The following SLIT3 variants were observed in gnomAD, a reference collection of about 807,000 sequenced individuals.
SLIT3 encodes slit homolog 3 protein.
Under a neutral mutation model 184.0 loss-of-function variants are expected in SLIT3, and 68 were observed. The observed-to-expected ratio is 0.37, with a 90% confidence interval of 0.30 to 0.45. The LOEUF (loss-of-function observed/expected upper bound fraction) is 0.45, where lower values mean the gene tolerates loss of function less well. Ranked by LOEUF, SLIT3 falls within the 20% of genes least tolerant of loss-of-function variation. The pLI is 1.00. For missense variants in SLIT3, 1,707 were observed against 2,026.0 expected, an observed-to-expected ratio of 0.84 and a Z score of 3.02; for synonymous variants, 831 against 828.6, an observed-to-expected ratio of 1.00 and a Z score of -0.05.
chr5:169,203,723 G>A (rs1169985387), intron 3 of SLIT3, among the ~76,000 whole-genome samples: 1 of 152,164 alleles, frequency 6.6e-6, no homozygotes, highest in Non-Finnish European at 1.5e-5. Context: ...TAAATAATTT[G>A]AGGGTAGAGC....
chr5:168,716,070 C>A (rs542487078), intron 23 of SLIT3, among the ~76,000 whole-genome samples: 1 of 152,248 alleles, frequency 6.6e-6, no homozygotes, highest in Non-Finnish European at 1.5e-5. Flanking sequence ...TGGGTTCAAG[C>A]GATTCTCCTG....
chr5:169,219,607 T>C (rs1764557195), intron 3 of SLIT3, among the ~76,000 whole-genome samples: 1 of 152,146 alleles, frequency 6.6e-6, no homozygotes, highest in Non-Finnish European at 1.5e-5. Flanking sequence ...TGGGCCCTGC[T>C]GAGGAATGCA....
intron 4 of SLIT3, among the ~76,000 whole-genome samples, chr5:169,161,808 C>A (rs1762489338): frequency 6.6e-6 from 1 of 152,124 alleles, no homozygotes; most frequent in Non-Finnish European, 1.5e-5. Flanking sequence ...CCTCAGGAGC[C>A]AGGCTGTCTG....
intron 16 of SLIT3, among the ~76,000 whole-genome samples, chr5:168,756,913 C>T (rs947669427): frequency 1.3e-5 from 2 of 152,154 alleles, no homozygotes; most frequent in Non-Finnish European, 2.9e-5. Flanking sequence ...CATCACATTA[C>T]TGTAAGGTTT....
chr5:168,795,736 A>T (rs984234930), intron 9 of SLIT3, among the ~76,000 whole-genome samples, 158 bp from the exon 10 acceptor site: 1 of 152,172 alleles, frequency 6.6e-6, no homozygotes, highest in Non-Finnish European at 1.5e-5. Flanking sequence ...TGCAGCAGTC[A>T]GAGAACTCAG....
At position 169,184,195 on chromosome 5, in the gene SLIT3, C is replaced by T. The variant is rs144131609; in HGVS notation, c.413+9284G>A. Among the ~76,000 whole-genome samples the T allele has an allele frequency of 3.0e-4, 45 of 152,280 alleles. No individual in the cohort carries two copies. In the East Asian group the frequency reaches 6.9e-3, roughly 23 times the overall value. ...GCACGTGCTTATATATACTCATATG[C>T]GCTTATAAGTTCAAAATACTGAACC... On this transcript the variant is annotated intron_variant, in intron 4 of 35. Coordinates refer to ENST00000519560, the MANE Select transcript of SLIT3 (RefSeq NM_003062.4).
At chr5:169,180,312 G>A (rs1763115008) in intron 4 of SLIT3, among the ~76,000 whole-genome samples, 1 of 152,218 alleles carries the variant, frequency 6.6e-6, no homozygotes, top group Non-Finnish European at 1.5e-5. Flanking sequence ...GCATGAGATG[G>A]CACTAGGACA....
At chr5:168,971,680 A>G (rs995332280) in intron 4 of SLIT3, among the ~76,000 whole-genome samples, 1 of 152,256 alleles carries the variant, frequency 6.6e-6, no homozygotes, top group Admixed American at 6.5e-5. Flanking sequence ...AGACAAATGC[A>G]TAAGAAAGAT....
At chr5:168,998,165 C>A (rs957165751) in intron 4 of SLIT3, among the ~76,000 whole-genome samples, 8 of 152,144 alleles carry the variant, frequency 5.3e-5, no homozygotes, top group African/African-American at 1.9e-4. Flanking sequence ...AAAATGCCAC[C>A]AGAAAATGTA....
chr5:168,806,959 G>A (rs1197606766), intron 8 of SLIT3, among the ~76,000 whole-genome samples: 1 of 152,138 alleles, frequency 6.6e-6, no homozygotes, highest in Non-Finnish European at 1.5e-5. Flanking sequence ...GGTATTGGAC[G>A]CTGAGTGTAA....
At chr5:168,807,912 C>T (rs761981191) in intron 8 of SLIT3, among the ~76,000 whole-genome samples, 9 of 152,128 alleles carry the variant, frequency 5.9e-5, no homozygotes, top group Non-Finnish European at 1.2e-4. Flanking sequence ...CAATAGTCCT[C>T]GTGGCCCCAA....
At chr5:169,009,527 C>T (rs972953374) in intron 4 of SLIT3, among the ~76,000 whole-genome samples, 1 of 152,238 alleles carries the variant, frequency 6.6e-6, no homozygotes, top group Admixed American at 6.5e-5. Context: ...AAGAACAAAC[C>T]TGTAGTAAAC....
At chr5:168,958,782 G>T (rs1762915354) in intron 4 of SLIT3, among the ~76,000 whole-genome samples, 1 of 152,216 alleles carries the variant, frequency 6.6e-6, no homozygotes, top group Admixed American at 6.5e-5. Context: ...GTGGAAGAAG[G>T]TGTCATGTGT....
At chr5:169,055,611 G>A (rs1757968513) in intron 4 of SLIT3, among the ~76,000 whole-genome samples, 1 of 152,186 alleles carries the variant, frequency 6.6e-6, no homozygotes, top group South Asian at 2.1e-4. Context: ...GGAGGCCAAG[G>A]CGGGTGGATC....
At chr5:168,814,352 T>C (rs184799221) in intron 8 of SLIT3, among the ~76,000 whole-genome samples, 2 of 152,078 alleles carry the variant, frequency 1.3e-5, no homozygotes, top group Admixed American at 1.3e-4. Flanking sequence ...GCCAAAATAC[T>C]GCCATTGCAC....
intron 16 of SLIT3, among the ~76,000 whole-genome samples, chr5:168,759,912 C>T (rs1176541056): frequency 6.6e-6 from 1 of 152,116 alleles, no homozygotes; most frequent in Non-Finnish European, 1.5e-5. Flanking sequence ...CAAAGAGTGC[C>T]CCCCTGGGGA....
At chr5:169,279,737 T>C (rs535445040) in intron 1 of SLIT3, among the ~76,000 whole-genome samples, 1 of 152,338 alleles carries the variant, frequency 6.6e-6, no homozygotes, top group South Asian at 2.1e-4. Context: ...ACAAGGTGAA[T>C]TCTTGAATTG....
At chr5:168,973,489 C>A (rs1754651178) in intron 4 of SLIT3, among the ~76,000 whole-genome samples, 2 of 152,190 alleles carry the variant, frequency 1.3e-5, no homozygotes. Context: ...TCAGGTGATT[C>A]ACCTGCCTCA....
chr5:169,162,032 T>C (rs1323963048), intron 4 of SLIT3, among the ~76,000 whole-genome samples: 2 of 152,272 alleles, frequency 1.3e-5, no homozygotes, highest in African/African-American at 4.8e-5. Context: ...AGAAATACTA[T>C]GTATATATGG....
Sources: allele counts gnomAD v4.1 joint callset (sites outside exome capture counted in the v4.1 genomes callset), GRCh38; gene constraint gnomAD v4.1.1; transcripts MANE v1.5; gene names NCBI Gene and HGNC (gene_info 2026-07-23, HGNC 2026-07-21).